Variants in IL1F10 observed in about 807,000 individuals in gnomAD.
The protein encoded by IL1F10 is interleukin-1 family member 10.
Under a neutral mutation model 13.1 loss-of-function variants are expected in IL1F10, and 13 were observed. That is an observed-to-expected ratio of 0.99 (90% CI 0.64 to 1.57). The LOEUF is 1.57. IL1F10 is among the 40% of genes most tolerant of loss of function. The pLI is 0.00. For synonymous variants in IL1F10, 78 were observed against 68.2 expected (o/e 1.14, Z -0.71); for missense variants, 191 against 184.1 (o/e 1.04, Z -0.22).
At position 113,075,190 on chromosome 2, in the gene IL1F10, G is replaced by C. The variant is rs764239995; in HGVS notation, c.285G>C (p.Glu95Asp). Reference sequence around the variant, plus strand: ...AGGAACTGTACAAAGGTGGTGAAGAGGCCACACGCTTCACCTTCTTCCAGA... The same window carrying C: ...AGGAACTGTACAAAGGTGGTGAAGACGCCACACGCTTCACCTTCTTCCAGA... ...NIEELYKGGE[E>D]ATRFTFFQSS... The change falls in exon 5 of 5, where the codon GAG becomes GAC. Residue 95 changes from glutamate (E) to aspartate (D), a missense_variant. Coordinates refer to ENST00000341010, the MANE Select transcript of IL1F10 (RefSeq NM_173161.3). The C allele has an allele frequency of 6.2e-7, 1 of 1,613,410 alleles. No homozygotes were observed. The highest frequency in any genetic ancestry group is 8.5e-7 in the Non-Finnish European group (1 of 1,179,828).
At chr2:113,074,026 A>T (rs938717496) in intron 2 of IL1F10, among the ~76,000 whole-genome samples, 1 of 152,204 alleles carries the variant, frequency 6.6e-6, no homozygotes, top group African/African-American at 2.4e-5. Flanking sequence ...GAAGCCAGGA[A>T]CATTTTCTTT....
chr2:113,074,882 T>C, intron 4 of IL1F10, 32 bp downstream of exon 4: 2 of 1,605,388 alleles, frequency 1.2e-6, no homozygotes, highest in Non-Finnish European at 1.7e-6. Flanking sequence ...TAGGGGACAC[T>C]GCAGACCTGG....
Position 113,074,355 on chromosome 2 carries a change from T to A in IL1F10, c.59T>A (p.Leu20Gln). The A allele has an allele frequency of 1.2e-6, 2 of 1,613,688 alleles. No homozygotes were observed. The highest frequency in any genetic ancestry group is 1.7e-6 in the Non-Finnish European group (2 of 1,179,574). Residue 20 changes from leucine to glutamine, a missense_variant, in exon 3 of 5, where the codon CTA becomes CAA. Leu to Gln is a moderately radical substitution (Grantham distance 113). Transcript: ENST00000341010. ...YIIKYADQKA[L>Q]YTRDGQLLVG... ...ATTAAATATGCAGACCAGAAGGCTC[T>A]ATACACAAGAGATGGCCAGCTGCTG...
At chr2:113,068,329 T>G (rs1471892558) in intron 1 of IL1F10, among the ~76,000 whole-genome samples, 1 of 136,522 alleles carries the variant, frequency 7.3e-6, no homozygotes, top group Non-Finnish European at 1.6e-5. Context: ...GCTTAAGAGA[T>G]TTTTTGTTTT....
intron 2 of IL1F10, among the ~76,000 whole-genome samples, chr2:113,073,791 C>T (rs1685888022): frequency 6.6e-6 from 1 of 152,196 alleles, no homozygotes; most frequent in Non-Finnish European, 1.5e-5. Flanking sequence ...CCAGCCCTGA[C>T]AGCAGCTGAC....
chr2:113,070,517 C>T (rs1326916908), intron 1 of IL1F10, among the ~76,000 whole-genome samples: 1 of 152,164 alleles, frequency 6.6e-6, no homozygotes, highest in Non-Finnish European at 1.5e-5. Context: ...CACTTTGTTG[C>T]CCCACCTAGA....
intron 1 of IL1F10, among the ~76,000 whole-genome samples, chr2:113,069,306 A>G (rs1685793778): frequency 6.6e-6 from 1 of 152,252 alleles, no homozygotes; most frequent in African/African-American, 2.4e-5. Flanking sequence ...ATGTGGTGAA[A>G]AAAATCTTTA....
chr2:113,075,482 G>A lies in IL1F10; in HGVS notation c.*118G>A, dbSNP rs1482797821. The A allele has an allele frequency of 4.3e-6, 3 of 689,914 alleles. No homozygotes were observed. Among genetic ancestry groups the A allele is most frequent in the Non-Finnish European group, 7.1e-6 (3 of 425,480 alleles). 42.7% of individuals were successfully genotyped at this position (689,914 alleles called of 1,614,324 possible). A position where few individuals can be genotyped will look rare whatever the true frequency, so the allele number is the denominator to read the frequency against. ...TGTCCACATCCTAATCCCAAGATCT[G>A]TGCATATGTTACCATACATGTCCAA... On this transcript the variant is annotated 3_prime_UTR_variant, in exon 5 of 5. Transcript: ENST00000341010.
At position 113,074,370 on chromosome 2, in the gene IL1F10, G is replaced by C. The variant is rs1363911783; in HGVS notation, c.74G>C (p.Gly25Ala). The change falls in exon 3 of 5, where the codon GGC becomes GCC. Residue 25 changes from glycine (G) to alanine (A), a missense_variant. Gly to Ala is a moderately conservative substitution (Grantham distance 60). Coordinates refer to ENST00000341010, the MANE Select transcript of IL1F10 (RefSeq NM_173161.3). ...CAGAAGGCTCTATACACAAGAGATG[G>C]CCAGCTGCTGGTGGGAGATCCTGTT... is the stretch of plus-strand genomic sequence containing the variant. ...ADQKALYTRD[G>A]QLLVGDPVAD... 6.2e-7 allele frequency: 1 copy of C among 1,613,984 alleles called. No homozygotes were observed. The highest frequency in any genetic ancestry group is 8.5e-7 in the Non-Finnish European group (1 of 1,179,850).
chr2:113,071,927 G>T (rs1261544105), intron 1 of IL1F10, among the ~76,000 whole-genome samples: 2 of 152,170 alleles, frequency 1.3e-5, no homozygotes, highest in African/African-American at 4.8e-5. Context: ...CTCCTGATTA[G>T]CTCTGGGTTT....
intron 2 of IL1F10, among the ~76,000 whole-genome samples, chr2:113,074,042 T>C (rs892159684): frequency 6.6e-6 from 1 of 152,152 alleles, no homozygotes; most frequent in African/African-American, 2.4e-5. Flanking sequence ...TCTTTACCCC[T>C]CTGTCAGAGG....
At chr2:113,074,252 G>A in intron 2 of IL1F10, 77 bp from the exon 3 acceptor site, 1 of 905,966 alleles carries the variant, frequency 1.1e-6, no homozygotes, top group East Asian at 2.5e-5. Flanking sequence ...TGGTGATTCA[G>A]AGCATGGAAG....
Position 113,075,450 on chromosome 2 carries a change from C to T in IL1F10, c.*86C>T, listed in dbSNP as rs142892925. 1.4e-3 allele frequency: 1,299 copies of T among 947,046 alleles called. 2 individuals are homozygous for T. The highest frequency in any genetic ancestry group is 1.9e-3 in the Admixed American group (74 of 39,196). 58.7% of individuals were successfully genotyped at this position (947,046 alleles called of 1,614,324 possible). On this transcript the variant is annotated 3_prime_UTR_variant, in exon 5 of 5. Coordinates refer to ENST00000341010, the MANE Select transcript of IL1F10 (RefSeq NM_173161.3). ...CTATGGTAGGCAGAATAATGTCCCC[C>T]GAAATATGTCCACATCCTAATCCCA...
chr2:113,073,264 T>C (rs1283883971), intron 2 of IL1F10, among the ~76,000 whole-genome samples: 1 of 152,212 alleles, frequency 6.6e-6, no homozygotes, highest in Non-Finnish European at 1.5e-5. Flanking sequence ...TCCTTATCTT[T>C]TACTACTTTG....
intron 4 of IL1F10, 115 bp from the exon 5 acceptor site, chr2:113,075,037 C>T (rs1573249751): frequency 1.6e-6 from 2 of 1,241,964 alleles, no homozygotes; most frequent in South Asian, 2.9e-5. Context: ...AGAAGGCAGT[C>T]CCTTGGGTAA....
rs888186996 is a variant in IL1F10, at chr2:113,074,853, G to T, written c.246+3G>T. The T allele has an allele frequency of 1.9e-6, 3 of 1,611,500 alleles. No homozygotes were observed. The highest frequency in any genetic ancestry group is 2.5e-6 in the Non-Finnish European group (3 of 1,179,590). On this transcript the variant is annotated splice_donor_region_variant and intron_variant, in intron 4 of 4. Transcript: ENST00000341010. Reference sequence around the variant, plus strand: ...AGGGGCCTTCCCTACAGCTGGAGGTGAGAGGCCTCTCCCCATTCTAGGGGA... The same window carrying T: ...AGGGGCCTTCCCTACAGCTGGAGGTTAGAGGCCTCTCCCCATTCTAGGGGA...
In IL1F10 at chr2:113,075,557, A is replaced by AT. The variant is rs1379565936; in HGVS notation, c.*194dup. The AT allele has an allele frequency of 2.5e-6, 1 of 403,594 alleles. No individual in the cohort carries two copies. Among genetic ancestry groups the AT allele is most frequent in the Non-Finnish European group, 4.4e-6 (1 of 228,950 alleles). 25.0% of individuals were successfully genotyped at this position (403,594 alleles called of 1,614,324 possible). A position where few individuals can be genotyped will look rare whatever the true frequency, so the allele number is the denominator to read the frequency against. ...TTAAGGATCTTGAAATGAGGAGACA[A>AT]TCCTGGGTTATCCTTGTGGGCTCAG... On this transcript the variant is annotated 3_prime_UTR_variant, in exon 5 of 5. Coordinates refer to ENST00000341010, the MANE Select transcript of IL1F10 (RefSeq NM_173161.3).
chr2:113,070,323 G>A (rs1034561334), intron 1 of IL1F10, among the ~76,000 whole-genome samples: 4 of 152,152 alleles, frequency 2.6e-5, no homozygotes, highest in Admixed American at 6.5e-5. Context: ...CAGGCGGAGG[G>A]AGCCGAATAG....
rs181198960 is a variant in IL1F10 at position 113,072,836 on chromosome 2, G to T, written c.32+66G>T. The T allele has an allele frequency of 7.9e-4, 1,126 of 1,421,184 alleles. 4 individuals carry two copies. Among genetic ancestry groups the T allele is most frequent in the Non-Finnish European group, 1.0e-3 (1,029 of 1,011,608 alleles). 88.0% of individuals were successfully genotyped at this position (1,421,184 alleles called of 1,614,324 possible). On this transcript the variant is annotated intron_variant, in intron 2 of 4. Coordinates refer to ENST00000341010, the MANE Select transcript of IL1F10 (RefSeq NM_173161.3). ...GTCAGGGTGGGAAGAGGAAAGGAAT[G>T]CTGAGTCAGAGGATGAGGCTCCTTC...
Sources: gnomAD v4.1 joint callset for allele counts (sites outside exome capture counted in the v4.1 genomes callset) on GRCh38, gnomAD v4.1.1 for gene constraint, MANE v1.5 for transcripts, NCBI Gene and HGNC (gene_info 2026-07-23, HGNC 2026-07-21) for gene names.